The following SSBP2 variants were observed in gnomAD, a reference collection of about 807,000 sequenced individuals.
SSBP2 encodes the protein single-stranded DNA-binding protein 2.
A neutral mutation model predicts 61.8 loss-of-function variants in SSBP2; 17 were observed. The observed-to-expected ratio is 0.28, with a 90% confidence interval of 0.19 to 0.41. The LOEUF (loss-of-function observed/expected upper bound fraction) is 0.41. SSBP2 is among the 10% of genes least tolerant of loss of function. The probability of loss-of-function intolerance (pLI) is 1.00; values close to 1 mark genes in which losing one functional copy is unlikely to be tolerated. For missense variants in SSBP2, 310 were observed against 458.7 expected, an observed-to-expected ratio of 0.68 and a Z score of 2.96; for synonymous variants, 139 against 141.3, an observed-to-expected ratio of 0.98 and a Z score of 0.12.
chr5:81,605,923 C>G (rs1744839897), intron 4 of SSBP2, among the ~76,000 whole-genome samples: 1 of 152,000 alleles, frequency 6.6e-6, no homozygotes, highest in Non-Finnish European at 1.5e-5. Context: ...TACTGTTTAA[C>G]AGAATTTAAA....
intron 8 of SSBP2, among the ~76,000 whole-genome samples, chr5:81,467,938 AT>A (rs370762040): frequency 3.4e-4 from 52 of 152,056 alleles, no homozygotes; most frequent in African/African-American, 1.2e-3. Flanking sequence ...ATCTGCCACC[AT>A]TTGTTCAACA....
intron 4 of SSBP2, among the ~76,000 whole-genome samples, chr5:81,568,961 A>T (rs1293349080): frequency 6.6e-6 from 1 of 152,162 alleles, no homozygotes; most frequent in African/African-American, 2.4e-5. Flanking sequence ...AGTTGGTTGG[A>T]TTCCTTGAGT....
chr5:81,437,493 G>T, intron 14 of SSBP2, 35 bp from the exon 15 acceptor site: 1 of 1,567,534 alleles, frequency 6.4e-7, no homozygotes, highest in Non-Finnish European at 8.7e-7. Context: ...CCTTTATTAG[G>T]TAAGATTTCA....
chr5:81,521,025 A>G (rs1174898469), intron 4 of SSBP2, among the ~76,000 whole-genome samples: 1 of 152,000 alleles, frequency 6.6e-6, no homozygotes, highest in Non-Finnish European at 1.5e-5. Flanking sequence ...CCATCCATTT[A>G]TTTTTAAACT....
intron 1 of SSBP2, among the ~76,000 whole-genome samples, chr5:81,653,702 T>C (rs1215100830): frequency 6.6e-6 from 1 of 152,218 alleles, no homozygotes; most frequent in Non-Finnish European, 1.5e-5. Flanking sequence ...TGTCCAGTGA[T>C]AATGAGCTTT....
At chr5:81,440,333 A>C (rs1037305334) in intron 14 of SSBP2, among the ~76,000 whole-genome samples, 5 of 152,164 alleles carry the variant, frequency 3.3e-5, no homozygotes, top group Non-Finnish European at 7.4e-5. Context: ...GGTTAAAGTA[A>C]ATAACTGTGA....
chr5:81,750,149 G>T (rs1757631283), intron 1 of SSBP2, among the ~76,000 whole-genome samples: 2 of 151,992 alleles, frequency 1.3e-5, no homozygotes, highest in South Asian at 4.1e-4. Flanking sequence ...TCCTCCAGCG[G>T]ATCCCGCTCC....
intron 1 of SSBP2, among the ~76,000 whole-genome samples, chr5:81,740,448 AT>A (rs1042451728): frequency 1.3e-5 from 2 of 152,214 alleles, no homozygotes; most frequent in Non-Finnish European, 2.9e-5. Flanking sequence ...TGTGAAAAAA[AT>A]AAAACAAAGA....
chr5:81,586,626 CAAAA>C (rs35214821), intron 4 of SSBP2, among the ~76,000 whole-genome samples: 4 of 114,286 alleles, frequency 3.5e-5, no homozygotes, highest in Non-Finnish European at 3.7e-5. Flanking sequence ...CTGCAGTATG[CAAAA>C]AAAAAAAAAA....
chr5:81,461,830 T>G (rs918425790), intron 9 of SSBP2, among the ~76,000 whole-genome samples: 1 of 152,020 alleles, frequency 6.6e-6, no homozygotes, highest in Non-Finnish European at 1.5e-5. Context: ...GGACACTGAG[T>G]TTTTAAAGTA....
chr5:81,688,230 A>T (rs1056763835), intron 1 of SSBP2, among the ~76,000 whole-genome samples: 19 of 152,208 alleles, frequency 1.2e-4, no homozygotes, highest in Non-Finnish European at 2.4e-4. Flanking sequence ...ACTTTGTCTT[A>T]TGATTCGGGT....
chr5:81,677,918 G>T (rs1752104945), intron 1 of SSBP2, among the ~76,000 whole-genome samples: 2 of 151,270 alleles, frequency 1.3e-5, no homozygotes, highest in African/African-American at 4.9e-5. Context: ...ACTATAAAAG[G>T]CTTTCCCTCC....
At chr5:81,478,135 T>TA (rs996092020) in intron 6 of SSBP2, among the ~76,000 whole-genome samples, 7 of 152,090 alleles carry the variant, frequency 4.6e-5, no homozygotes, top group Non-Finnish European at 1.0e-4. Flanking sequence ...ATTGTGAACT[T>TA]AAAGTTCTTA....
intron 4 of SSBP2, among the ~76,000 whole-genome samples, chr5:81,552,496 G>A (rs1772275688): frequency 1.3e-5 from 2 of 152,018 alleles, no homozygotes; most frequent in Non-Finnish European, 2.9e-5. Flanking sequence ...AAATTAGCCA[G>A]GTGTGACGAC....
At chr5:81,482,144 A>T (rs1766037980) in intron 6 of SSBP2, among the ~76,000 whole-genome samples, 1 of 152,200 alleles carries the variant, frequency 6.6e-6, no homozygotes, top group East Asian at 1.9e-4. Context: ...GGGTTTCACC[A>T]TGTTGGCCAG....
At chr5:81,571,275 T>C (rs1279930794) in intron 4 of SSBP2, among the ~76,000 whole-genome samples, 6 of 152,248 alleles carry the variant, frequency 3.9e-5, no homozygotes, top group Admixed American at 3.9e-4. Flanking sequence ...TTTTCTCTTT[T>C]AGTTTTTTCT....
chr5:81,428,642 AGTGCCC>A lies in SSBP2; in HGVS notation c.993_998del (p.Gly332_Thr333del), dbSNP rs746139216. On this transcript the variant is annotated inframe_deletion, in exon 16 of 17. Coordinates refer to ENST00000320672, the MANE Select transcript of SSBP2 (RefSeq NM_012446.5). ...CCCCCATTTCGCCATCATCCCTTGG[AGTGCCC>A]GGTTGATTACTCAGGCTCATATTAT... 1 of 1,613,482 alleles carries A rather than the reference AGTGCCC, an allele frequency of 6.2e-7. No homozygotes were observed. Among genetic ancestry groups the A allele is most frequent in the Admixed American group, 1.7e-5 (1 of 60,018 alleles).
At chr5:81,481,179 T>C (rs144428959) in intron 6 of SSBP2, among the ~76,000 whole-genome samples, 46 of 152,318 alleles carry the variant, frequency 3.0e-4, no homozygotes, top group African/African-American at 1.0e-3. Flanking sequence ...TTAATGTTGA[T>C]ATTTTGACCT....
intron 9 of SSBP2, among the ~76,000 whole-genome samples, chr5:81,465,324 G>A (rs1196839040): frequency 6.6e-6 from 1 of 151,856 alleles, no homozygotes; most frequent in Admixed American, 6.6e-5. Flanking sequence ...TCAACAAAAA[G>A]TAATCATATT....
Sources: allele counts gnomAD v4.1 joint callset (sites outside exome capture counted in the v4.1 genomes callset), GRCh38; gene constraint gnomAD v4.1.1; transcripts MANE v1.5; gene names NCBI Gene and HGNC (gene_info 2026-07-23, HGNC 2026-07-21).